Variants in CCDC7 observed in about 807,000 individuals in gnomAD.
The protein encoded by CCDC7 is coiled-coil domain containing 7.
CCDC7 carries 183 observed loss-of-function variants against 196.9 expected under a neutral mutation model. The observed-to-expected ratio is 0.93, with a 90% confidence interval of 0.82 to 1.05. The LOEUF (loss-of-function observed/expected upper bound fraction) is 1.05, where lower values mean the gene tolerates loss of function less well. Ranked by LOEUF, CCDC7 falls within the 50% of genes least tolerant of loss-of-function variation. The pLI is 0.00. For synonymous variants in CCDC7, 525 were observed against 484.6 expected (o/e 1.08, Z -1.10); for missense variants, 1,540 against 1,482.2 (o/e 1.04, Z -0.64).
At chr10:32,694,464 C>T (rs1006929631) in intron 23 of CCDC7, among the ~76,000 whole-genome samples, 4 of 152,170 alleles carry the variant, frequency 2.6e-5, no homozygotes, top group African/African-American at 7.2e-5. Flanking sequence ...AATGACATTA[C>T]GTGAGGACTT....
At chr10:32,736,631 A>G (rs1194516799) in intron 28 of CCDC7, among the ~76,000 whole-genome samples, 5 of 146,372 alleles carry the variant, frequency 3.4e-5, no homozygotes, top group African/African-American at 7.6e-5. Flanking sequence ...TATATCTCTT[A>G]TACATATTTT....
At chr10:32,536,841 A>T (rs1006592583) in intron 11 of CCDC7, among the ~76,000 whole-genome samples, 1 of 152,118 alleles carries the variant, frequency 6.6e-6, no homozygotes, top group East Asian at 1.9e-4. Context: ...ATTATTTTTT[A>T]TAGCTACATA....
intron 23 of CCDC7, among the ~76,000 whole-genome samples, chr10:32,690,954 C>T (rs1314957911): frequency 6.6e-6 from 1 of 152,142 alleles, no homozygotes; most frequent in Non-Finnish European, 1.5e-5. Context: ...GATGCAAAAC[C>T]AGAGAGCATT....
chr10:32,666,120 C>CT (rs35052301), intron 21 of CCDC7, among the ~76,000 whole-genome samples: 5,576 of 130,738 alleles, frequency 0.043, 111 homozygotes, highest in Non-Finnish European at 0.053. Context: ...TATTCTTTTT[C>CT]TTTTTTTTTT....
chr10:32,694,882 A>T (rs1213746139), exon 24 of CCDC7: 1 of 1,586,590 alleles, frequency 6.3e-7, no homozygotes. Flanking sequence ...TATGTAGCTC[A>T]TGATGAAGAA....
chr10:32,560,402 A>AG (rs780299316), intron 13 of CCDC7, among the ~76,000 whole-genome samples: 1,774 of 152,286 alleles, frequency 0.012, 15 homozygotes, highest in Non-Finnish European at 0.018. Context: ...GAAGGAAAAA[A>AG]TGTTAAGGGC....
intron 16 of CCDC7, among the ~76,000 whole-genome samples, chr10:32,576,374 T>C (rs1483244901): frequency 1.3e-5 from 2 of 151,848 alleles, no homozygotes; most frequent in Non-Finnish European, 2.9e-5. Flanking sequence ...CCCTAACTTC[T>C]AGGTGCTTTG....
chr10:32,710,397 T>A (rs1305548847), intron 24 of CCDC7, among the ~76,000 whole-genome samples: 2 of 152,206 alleles, frequency 1.3e-5, no homozygotes, highest in Non-Finnish European at 2.9e-5. Flanking sequence ...CTGAAAACTT[T>A]CAGTCTCATC....
At chr10:32,869,324 A>T (rs540323974) in intron 41 of CCDC7, among the ~76,000 whole-genome samples, 2 of 152,032 alleles carry the variant, frequency 1.3e-5, no homozygotes, top group Non-Finnish European at 2.9e-5. Flanking sequence ...GGCCAGTGAT[A>T]ATGAGCATTT....
chr10:32,627,583 T>C (rs1024827018), intron 18 of CCDC7, among the ~76,000 whole-genome samples: 2 of 152,022 alleles, frequency 1.3e-5, no homozygotes, highest in Non-Finnish European at 2.9e-5. Flanking sequence ...ATTCTTGTCT[T>C]GTCCAGATCT....
Position 32,608,507 on chromosome 10 carries a change from ATTG to A in CCDC7, c.1801+24206_1801+24208del, listed in dbSNP as rs1420647727. On this transcript the variant is annotated intron_variant, in intron 18 of 41. Transcript: ENST00000639629. ...TTTAATGTGTTGTGTTTCAATTTCTATTGTTTTATGATTTTTTTTGACTTCCAT... is the reference window on the plus strand; with the variant it reads ...TTTAATGTGTTGTGTTTCAATTTCTATTTTATGATTTTTTTTGACTTCCAT... Among the ~76,000 whole-genome samples, 4 of 151,426 alleles carry A rather than the reference ATTG, an allele frequency of 2.6e-5. No individual in the cohort carries two copies. The East Asian group carries it at 5.8e-4, about 22-fold the overall frequency.
At chr10:32,580,352 C>T (rs1470716951) in intron 16 of CCDC7, among the ~76,000 whole-genome samples, 1 of 152,082 alleles carries the variant, frequency 6.6e-6, no homozygotes, top group Non-Finnish European at 1.5e-5. Flanking sequence ...AACCTTTTAT[C>T]TTTTCCAGGC....
chr10:32,758,849 T>C (rs1439176347), intron 28 of CCDC7, among the ~76,000 whole-genome samples: 3 of 152,114 alleles, frequency 2.0e-5, no homozygotes, highest in Admixed American at 6.6e-5. Context: ...TAGAAAACCC[T>C]GTCATTTCAG....
chr10:32,564,438 T>A (rs1405516358), intron 13 of CCDC7, among the ~76,000 whole-genome samples: 4 of 152,208 alleles, frequency 2.6e-5, no homozygotes, highest in Non-Finnish European at 5.9e-5. Context: ...TAAGAAAATG[T>A]TGCACATATA....
At chr10:32,755,369 T>C (rs2076261535) in intron 28 of CCDC7, among the ~76,000 whole-genome samples, 1 of 152,134 alleles carries the variant, frequency 6.6e-6, no homozygotes, top group Non-Finnish European at 1.5e-5. Flanking sequence ...TACCTCCCAG[T>C]AGGGGCCGAC....
intron 28 of CCDC7, among the ~76,000 whole-genome samples, chr10:32,767,994 T>C (rs1031362308): frequency 6.6e-6 from 1 of 151,916 alleles, no homozygotes; most frequent in African/African-American, 2.4e-5. Flanking sequence ...CATCAGAGTA[T>C]CTCAACAGCA....
At chr10:32,453,402 T>A (rs774981505) in exon 2 of CCDC7, 17 of 1,554,362 alleles carry the variant, frequency 1.1e-5, no homozygotes, top group Non-Finnish European at 1.4e-5. Context: ...GAAGAACCAT[T>A]TGTAAAGCAT....
intron 20 of CCDC7, among the ~76,000 whole-genome samples, chr10:32,660,892 T>C (rs2071227793): frequency 7.0e-6 from 1 of 142,410 alleles, no homozygotes; most frequent in African/African-American, 2.6e-5. Flanking sequence ...ACCTAGGCAT[T>C]ACCATTCAGG....
At chr10:32,818,291 T>C (rs372854965) in intron 31 of CCDC7, among the ~76,000 whole-genome samples, 1 of 152,188 alleles carries the variant, frequency 6.6e-6, no homozygotes, top group African/African-American at 2.4e-5. Context: ...GAGCTAACTA[T>C]CCTAAATATA....
Sources: allele counts gnomAD v4.1 joint callset (sites outside exome capture counted in the v4.1 genomes callset), GRCh38; gene constraint gnomAD v4.1.1; transcripts MANE v1.5; gene names NCBI Gene and HGNC (gene_info 2026-07-23, HGNC 2026-07-21).